WWOX: variants seen among roughly 807,000 people sequenced by gnomAD.
WWOX encodes the protein WW domain-containing oxidoreductase.
A neutral mutation model predicts 46.2 loss-of-function variants in WWOX; 69 were observed. The observed-to-expected ratio is 1.49, with a 90% CI of 1.23 to 1.82. The LOEUF (loss-of-function observed/expected upper bound fraction) is 1.82, where lower values mean the gene tolerates loss of function less well. WWOX is among the 40% of genes most tolerant of loss of function. WWOX has a pLI of 0.00. For synonymous variants in WWOX, 359 were observed against 202.6 expected (o/e 1.77, Z -6.56); for missense variants, 919 against 542.6 (o/e 1.69, Z -6.89).
chr16:78,522,856 G>A (rs182813501), intron 8 of WWOX, among the ~76,000 whole-genome samples: 6 of 152,296 alleles, frequency 3.9e-5, no homozygotes, highest in Admixed American at 2.6e-4. Flanking sequence ...TGGATCACTC[G>A]AGGTCAGGAG....
rs148270279 is a variant in WWOX, at chr16:78,636,096, A to C, written c.1056+203344A>C. 6.2e-3 allele frequency among the ~76,000 whole-genome samples: 937 copies of C among 152,294 alleles called. 18 individuals are homozygous for C. Among genetic ancestry groups the C allele is most frequent in the African/African-American group, 0.022 (905 of 41,558 alleles). ...AGACATCTGCACTCTAGTAGTGATT[A>C]AAATGCCTTTGACAGGCTCTTGCTA... is the stretch of plus-strand genomic sequence containing the variant. On this transcript the variant is annotated intron_variant, in intron 8 of 8. Coordinates refer to ENST00000566780, the MANE Select transcript of WWOX (RefSeq NM_016373.4).
In WWOX at chr16:78,169,806, T is replaced by C. The variant is rs572009076; in HGVS notation, c.516+5517T>C. On this transcript the variant is annotated intron_variant, in intron 5 of 8. Transcript: ENST00000566780. ...GAGGCTGGGAGGCAGGGGCGGTGGA[T>C]TGAGAGAGAGGAGAGGGATTGTTAT... 4.0e-5 allele frequency among the ~76,000 whole-genome samples: 6 copies of C among 151,826 alleles called. No homozygotes were observed. In the South Asian group the frequency reaches 1.0e-3, roughly 27 times the overall value.
intron 5 of WWOX, among the ~76,000 whole-genome samples, chr16:78,192,984 A>G (rs898671217): frequency 1.1e-4 from 17 of 152,376 alleles, no homozygotes; most frequent in African/African-American, 3.4e-4. Flanking sequence ...CTCATAACAC[A>G]TGTGGCTGAG....
At chr16:78,360,537 C>T (rs76166041) in intron 5 of WWOX, among the ~76,000 whole-genome samples, 4,456 of 144,922 alleles carry the variant, frequency 0.031, 205 homozygotes, top group African/African-American at 0.1. Flanking sequence ...GTGAGCCAAG[C>T]GGAGTGCCAC....
intron 4 of WWOX, among the ~76,000 whole-genome samples, chr16:78,139,963 A>T (rs963288379): frequency 3.3e-5 from 5 of 152,168 alleles, no homozygotes; most frequent in African/African-American, 1.2e-4. Context: ...CCGTTGGACA[A>T]GGGCGTCCCA....
At chr16:78,490,570 A>C (rs2084757377) in intron 8 of WWOX, among the ~76,000 whole-genome samples, 1 of 152,178 alleles carries the variant, frequency 6.6e-6, no homozygotes, top group African/African-American at 2.4e-5. Flanking sequence ...GGGACGGAGG[A>C]GAAAGAAGAC....
At chr16:78,891,579 T>A (rs2044591109) in intron 8 of WWOX, 2 of 152,250 alleles carry the variant, frequency 1.3e-5, no homozygotes, top group Non-Finnish European at 2.9e-5. Flanking sequence ...TCTCTGTCGA[T>A]AATTGATGCA....
In WWOX at chr16:79,027,627, C is replaced by T. The variant is rs538946830; in HGVS notation, c.1057-183981C>T. ...TCTGAAAAATCTCTTCCTTTCCTAT[C>T]GTGAATTCGGTCATTGTTATAAGCC... On this transcript the variant is annotated intron_variant, in intron 8 of 8. Coordinates refer to ENST00000566780, the MANE Select transcript of WWOX (RefSeq NM_016373.4). Among the ~76,000 whole-genome samples the T allele has an allele frequency of 3.9e-5, 6 of 151,942 alleles. No homozygotes were observed. In the East Asian group the frequency reaches 5.8e-4, roughly 15 times the overall value.
intron 5 of WWOX, among the ~76,000 whole-genome samples, chr16:78,351,874 C>G (rs183138720): frequency 4.6e-5 from 7 of 152,300 alleles, no homozygotes; most frequent in African/African-American, 1.7e-4. Context: ...CCAGGCTGGT[C>G]TCAAACTCGT....
intron 8 of WWOX, among the ~76,000 whole-genome samples, chr16:78,832,831 C>G (rs1487187430): frequency 6.6e-6 from 1 of 152,098 alleles, no homozygotes; most frequent in Non-Finnish European, 1.5e-5. Context: ...AGAACTTCCC[C>G]CAAAGACAGA....
At chr16:78,990,557 G>C (rs1045641862) in intron 8 of WWOX, among the ~76,000 whole-genome samples, 3 of 152,172 alleles carry the variant, frequency 2.0e-5, no homozygotes, top group Middle Eastern at 3.2e-3. Flanking sequence ...TTTACACCGG[G>C]GAGCCCCCAA....
chr16:78,192,651 A>T (rs1358876867), intron 5 of WWOX, among the ~76,000 whole-genome samples: 2 of 152,152 alleles, frequency 1.3e-5, no homozygotes, highest in Non-Finnish European at 2.9e-5. Context: ...TTATTGTCTC[A>T]CTGGTGACCG....
At chr16:79,102,005 G>A (rs2049207495) in intron 8 of WWOX, among the ~76,000 whole-genome samples, 1 of 136,262 alleles carries the variant, frequency 7.3e-6, no homozygotes, top group Non-Finnish European at 1.6e-5. Context: ...CCTCCTCCCA[G>A]CAGATGAAGA....
intron 5 of WWOX, among the ~76,000 whole-genome samples, chr16:78,183,205 G>T (rs1158169220): frequency 1.3e-5 from 2 of 152,060 alleles, no homozygotes; most frequent in African/African-American, 4.8e-5. Context: ...AGACAGACAC[G>T]TAAATTAATA....
At chr16:78,802,632 A>G (rs1360379562) in intron 8 of WWOX, among the ~76,000 whole-genome samples, 1 of 151,990 alleles carries the variant, frequency 6.6e-6, no homozygotes, top group African/African-American at 2.4e-5. Context: ...TAATGGTTGA[A>G]TGGCTGGCCA....
intron 8 of WWOX, among the ~76,000 whole-genome samples, chr16:78,594,939 T>G (rs1418237946): frequency 1.3e-5 from 2 of 152,202 alleles, no homozygotes; most frequent in Non-Finnish European, 2.9e-5. Context: ...GGCCTGTCTC[T>G]CAGGAAAGCA....
At chr16:78,862,170 A>G (rs769193826) in intron 8 of WWOX, among the ~76,000 whole-genome samples, 4 of 151,402 alleles carry the variant, frequency 2.6e-5, no homozygotes, top group East Asian at 2.0e-4. Flanking sequence ...GTCTGTATCT[A>G]TACACACCGA....
At chr16:78,464,362 G>A (rs930213546) in intron 8 of WWOX, among the ~76,000 whole-genome samples, 4 of 151,672 alleles carry the variant, frequency 2.6e-5, no homozygotes, top group Non-Finnish European at 5.9e-5. Flanking sequence ...AGGAAGAGAG[G>A]GAAGGAGGCA....
intron 8 of WWOX, among the ~76,000 whole-genome samples, chr16:79,137,357 C>G (rs1208869322): frequency 2.6e-5 from 4 of 152,170 alleles, no homozygotes; most frequent in Non-Finnish European, 5.9e-5. Context: ...ATGTGTTAGC[C>G]TTAAGTTAAC....
Sources: allele counts gnomAD v4.1 joint callset (sites outside exome capture counted in the v4.1 genomes callset), GRCh38; gene constraint gnomAD v4.1.1; transcripts MANE v1.5; gene names NCBI Gene and HGNC (gene_info 2026-07-23, HGNC 2026-07-21).